EXOC6B: variants seen among roughly 807,000 people sequenced by gnomAD.
EXOC6B encodes the protein exocyst complex component 6B, also known as SEC15 homolog B.
EXOC6B carries 54 observed loss-of-function variants against 113.5 expected under a neutral mutation model. That is an observed-to-expected ratio of 0.48 (90% CI 0.38 to 0.60). EXOC6B has a LOEUF of 0.60. Ranked by LOEUF, EXOC6B falls within the 20% of genes least tolerant of loss-of-function variation. The pLI, the probability that EXOC6B is intolerant of heterozygous loss-of-function variation, is 0.00. For missense variants in EXOC6B, 797 were observed against 977.5 expected, an observed-to-expected ratio of 0.82 and a Z score of 2.46; for synonymous variants, 357 against 339.0, an observed-to-expected ratio of 1.05 and a Z score of -0.58.
At chr2:72,340,899 T>C (rs538690802) in intron 19 of EXOC6B, among the ~76,000 whole-genome samples, 48 of 152,090 alleles carry the variant, frequency 3.2e-4, no homozygotes, top group Non-Finnish European at 6.5e-4. Flanking sequence ...AAACAGGAGT[T>C]GATGTACTCC....
intron 6 of EXOC6B, among the ~76,000 whole-genome samples, chr2:72,671,201 G>C (rs1675767352): frequency 6.6e-6 from 1 of 152,060 alleles, no homozygotes; most frequent in South Asian, 2.1e-4. Flanking sequence ...CACAATAAAA[G>C]AAACAATCAA....
At chr2:72,459,754 G>C (rs58408792) in intron 18 of EXOC6B, among the ~76,000 whole-genome samples, 18,691 of 151,844 alleles carry the variant, frequency 0.12, 1,291 homozygotes, top group African/African-American at 0.19. Flanking sequence ...TGGGAAGAAT[G>C]AATATCGTGA....
At chr2:72,361,161 C>T (rs1690290267) in intron 19 of EXOC6B, among the ~76,000 whole-genome samples, 1 of 152,062 alleles carries the variant, frequency 6.6e-6, no homozygotes, top group Admixed American at 6.6e-5. Flanking sequence ...TAAGAGTTTT[C>T]TAGGTAAATT....
At chr2:72,189,851 C>T in intron 20 of EXOC6B, among the ~76,000 whole-genome samples, 2 of 99,406 alleles carry the variant, frequency 2.0e-5, no homozygotes, top group African/African-American at 7.2e-5. Flanking sequence ...TCTCTTTCTC[C>T]TTCTTCTTCT....
intron 6 of EXOC6B, among the ~76,000 whole-genome samples, chr2:72,606,194 T>C (rs1188389190): frequency 3.3e-5 from 5 of 152,164 alleles, no homozygotes; most frequent in Admixed American, 3.3e-4. Context: ...AACAAAATTT[T>C]CCACATTCTT....
chr2:72,651,648 C>G (rs1013255780), intron 6 of EXOC6B, among the ~76,000 whole-genome samples: 1 of 152,174 alleles, frequency 6.6e-6, no homozygotes, highest in African/African-American at 2.4e-5. Context: ...GAGATGGAGT[C>G]TCCCTCTATC....
intron 19 of EXOC6B, among the ~76,000 whole-genome samples, chr2:72,372,712 G>T (rs2105033704): frequency 6.6e-6 from 1 of 152,082 alleles, no homozygotes; most frequent in Admixed American, 6.5e-5. Flanking sequence ...GGGTATGGTG[G>T]CACACACCTG....
At chr2:72,252,192 G>A (rs2104550026) in intron 20 of EXOC6B, among the ~76,000 whole-genome samples, 1 of 152,288 alleles carries the variant, frequency 6.6e-6, no homozygotes, top group Non-Finnish European at 1.5e-5. Context: ...CATAGAAGGG[G>A]TTACAGCAAC....
rs75071364 is a variant in EXOC6B at position 72,572,741 on chromosome 2, C to T, written c.846+2751G>A. On this transcript the variant is annotated intron_variant, in intron 7 of 21. Coordinates refer to ENST00000272427, the MANE Select transcript of EXOC6B (RefSeq NM_015189.3). ...AGAATTTATTCACACCATGCAAGAA[C>T]TATGCCAAGAAACCAGTTTGGAAAC... 3.7e-3 allele frequency among the ~76,000 whole-genome samples: 564 copies of T among 152,302 alleles called. 11 individuals are homozygous for T. Among genetic ancestry groups the T allele is most frequent in the African/African-American group, 0.013 (551 of 41,556 alleles).
At chr2:72,588,030 A>G (rs1470690928) in intron 6 of EXOC6B, among the ~76,000 whole-genome samples, 1 of 152,148 alleles carries the variant, frequency 6.6e-6, no homozygotes, top group African/African-American at 2.4e-5. Flanking sequence ...AAATAAAATG[A>G]CAAGTTTTAG....
At chr2:72,585,062 G>A (rs1705468823) in intron 6 of EXOC6B, among the ~76,000 whole-genome samples, 1 of 152,046 alleles carries the variant, frequency 6.6e-6, no homozygotes, top group Non-Finnish European at 1.5e-5. Flanking sequence ...AAGTTAGAAA[G>A]ATCTCAAATT....
intron 1 of EXOC6B, among the ~76,000 whole-genome samples, chr2:72,770,255 C>T (rs1429633442): frequency 6.6e-6 from 1 of 151,704 alleles, no homozygotes; most frequent in Non-Finnish European, 1.5e-5. Flanking sequence ...AAAAATTATA[C>T]AACTAAGAAA....
At chr2:72,513,681 T>C (rs1041457846) in intron 10 of EXOC6B, among the ~76,000 whole-genome samples, 29 of 151,942 alleles carry the variant, frequency 1.9e-4, no homozygotes, top group African/African-American at 7.0e-4. Context: ...CTATATATTT[T>C]AAGAATCCAA....
At chr2:72,669,501 A>C (rs1675638714) in intron 6 of EXOC6B, among the ~76,000 whole-genome samples, 1 of 152,322 alleles carries the variant, frequency 6.6e-6, no homozygotes, top group South Asian at 2.1e-4. Flanking sequence ...ACATATCATT[A>C]CCATCAATAT....
intron 11 of EXOC6B, among the ~76,000 whole-genome samples, chr2:72,509,592 G>C (rs1417560989): frequency 6.6e-6 from 1 of 151,992 alleles, no homozygotes; most frequent in Non-Finnish European, 1.5e-5. Flanking sequence ...AAAACTTTTT[G>C]AAGCTGCAGA....
chr2:72,364,817 G>A (rs544789008), intron 19 of EXOC6B, among the ~76,000 whole-genome samples: 3 of 152,024 alleles, frequency 2.0e-5, no homozygotes, highest in Admixed American at 1.3e-4. Context: ...TTGATCATTC[G>A]CAAAAGTTCA....
At chr2:72,433,907 C>T (rs1292115743) in intron 18 of EXOC6B, among the ~76,000 whole-genome samples, 2 of 152,164 alleles carry the variant, frequency 1.3e-5, no homozygotes, top group Non-Finnish European at 2.9e-5. Context: ...CTTTCTCCTG[C>T]CTGATTGCCC....
chr2:72,276,836 G>A (rs1010327032), intron 20 of EXOC6B, among the ~76,000 whole-genome samples: 7 of 152,096 alleles, frequency 4.6e-5, no homozygotes, highest in Non-Finnish European at 7.4e-5. Context: ...AAACAATTAT[G>A]AGTAGTATGG....
chr2:72,812,962 C>T (rs1686006250), intron 1 of EXOC6B, among the ~76,000 whole-genome samples: 1 of 152,004 alleles, frequency 6.6e-6, no homozygotes, highest in Non-Finnish European at 1.5e-5. Flanking sequence ...AAAAAACAAG[C>T]TACAGAGTAG....
Sources: gnomAD v4.1 joint callset for allele counts (sites outside exome capture counted in the v4.1 genomes callset) on GRCh38, gnomAD v4.1.1 for gene constraint, MANE v1.5 for transcripts, NCBI Gene and HGNC (gene_info 2026-07-23, HGNC 2026-07-21) for gene names.